Variants in ME2 observed in about 807,000 individuals in gnomAD.
ME2 encodes malic enzyme 2, also known as NAD-dependent malic enzyme, mitochondrial.
ME2 carries 60 observed loss-of-function variants against 73.7 expected under a neutral mutation model. The ratio of observed to expected loss-of-function variants is 0.81; its 90% confidence interval spans 0.66 to 1.01. The LOEUF (loss-of-function observed/expected upper bound fraction) is 1.01, where lower values mean the gene tolerates loss of function less well. ME2 is among the 50% of genes least tolerant of loss of function. The pLI is 0.00. For missense variants in ME2, 594 were observed against 705.5 expected (o/e 0.84, Z 1.79); for synonymous variants, 199 against 236.9 (o/e 0.84, Z 1.47).
In ME2 at chr18:50,920,440, G is replaced by A. The variant is rs1268721275; in HGVS notation, c.735-16G>A. ...GTTATTTTCAACACAACTATTGTGG[G>A]TTTTGCTGTTTTTAGATATGGCCGG... On this transcript the variant is annotated splice_polypyrimidine_tract_variant and intron_variant, in intron 7 of 15. Coordinates refer to ENST00000321341, the MANE Select transcript of ME2 (RefSeq NM_002396.5). 1.3e-6 allele frequency: 2 copies of A among 1,532,996 alleles called. No homozygotes were observed. The highest frequency in any genetic ancestry group is 1.8e-6 in the Non-Finnish European group (2 of 1,121,570). 95.0% of individuals were successfully genotyped at this position (1,532,996 alleles called of 1,614,324 possible).
At position 50,925,811 on chromosome 18, in the gene ME2, T is replaced by C; in HGVS notation, c.1227T>C (p.Ser409=). Residue 409 remains serine, a synonymous_variant, in exon 12 of 16, where the codon TCT becomes TCC. Transcript: ENST00000321341. The stretch of plus-strand genomic sequence containing the variant: ...CTGATGTAATCAGAGCCATGGCCTC[T>C]ATCAATGAAAGGCCTGTAATATTTG... ...FTPDVIRAMA[S]INERPVIFAL... 1.2e-6 allele frequency: 2 copies of C among 1,613,540 alleles called. No individual in the cohort carries two copies. The highest frequency in any genetic ancestry group is 1.7e-6 in the Non-Finnish European group (2 of 1,179,450).
At chr18:50,893,468 T>TC (rs1321721855) in intron 1 of ME2, among the ~76,000 whole-genome samples, 1 of 152,168 alleles carries the variant, frequency 6.6e-6, no homozygotes, top group Non-Finnish European at 1.5e-5. Flanking sequence ...GTGTTACCTT[T>TC]CCCCTGAAAA....
chr18:50,886,414 T>C (rs915150677), intron 1 of ME2, among the ~76,000 whole-genome samples: 5 of 151,880 alleles, frequency 3.3e-5, no homozygotes, highest in Non-Finnish European at 7.4e-5. Context: ...CAGCTAATTT[T>C]TGTATTTTTA....
intron 15 of ME2, among the ~76,000 whole-genome samples, chr18:50,940,713 G>A (rs980841385): frequency 1.3e-5 from 2 of 152,138 alleles, no homozygotes; most frequent in African/African-American, 4.8e-5. Flanking sequence ...CGATCCTCCT[G>A]CCTTGGACTC....
chr18:50,940,144 C>T, intron 14 of ME2, 144 bp from the exon 15 acceptor site: 1 of 643,064 alleles, frequency 1.6e-6, no homozygotes, highest in Admixed American at 3.1e-5. Context: ...TTAATTTCTG[C>T]AGTGGTTTAA....
chr18:50,920,555 T>C lies in ME2; in HGVS notation c.834T>C (p.Asp278=), dbSNP rs1360229493. ...KYREKYCTFN[D]DIQGTAAVAL... ...GAGAAAAATATTGTACTTTCAATGA[T>C]GATATTCAAGGTAAAGCAAAAAAAC... The change falls in exon 8 of 16, where the codon GAT becomes GAC. Residue 278 remains aspartate (D), a synonymous_variant. Transcript: ENST00000321341. 1.9e-6 allele frequency: 3 copies of C among 1,588,380 alleles called. No individual in the cohort carries two copies. Among genetic ancestry groups the C allele is most frequent in the Non-Finnish European group, 2.6e-6 (3 of 1,172,104 alleles).
rs955135102 is a variant in ME2, at chr18:50,949,850, T to G, written c.*2666T>G. On this transcript the variant is annotated 3_prime_UTR_variant, in exon 16 of 16. Transcript: ENST00000321341. Reference sequence around the variant, plus strand: ...CAATCTTTCAACAAGTATCAATTATTGGATGTAAATTAAAGTAAAATTGCT... The same window carrying G: ...CAATCTTTCAACAAGTATCAATTATGGGATGTAAATTAAAGTAAAATTGCT... 4.6e-5 allele frequency: 7 copies of G among 152,152 alleles called. No homozygotes were observed. The highest frequency in any genetic ancestry group is 3.3e-4 in the Admixed American group (5 of 15,280). The allele number at this position is 152,152 out of a possible 1,614,324, so 9.4% of individuals were successfully genotyped here. A position where few individuals can be genotyped will look rare whatever the true frequency, so the allele number is the denominator to read the frequency against.
In ME2 at chr18:50,952,658, G is replaced by A. The variant is rs1344470607; in HGVS notation, c.*5474G>A. On this transcript the variant is annotated 3_prime_UTR_variant, in exon 16 of 16. Coordinates refer to ENST00000321341, the MANE Select transcript of ME2 (RefSeq NM_002396.5). ...TTAATGTTAAGACTAGGGGAAACTTGTGGGTATATATTCAGTGGTTTTCAG... is the reference window on the plus strand; with the variant it reads ...TTAATGTTAAGACTAGGGGAAACTTATGGGTATATATTCAGTGGTTTTCAG... 6.6e-6 allele frequency: 1 copy of A among 152,156 alleles called. No individual in the cohort carries two copies. The highest frequency in any genetic ancestry group is 1.5e-5 in the Non-Finnish European group (1 of 68,022). 9.4% of individuals were successfully genotyped at this position (152,156 alleles called of 1,614,324 possible). A position where few individuals can be genotyped will look rare whatever the true frequency, so the allele number is the denominator to read the frequency against.
chr18:50,881,804 A>G (rs1916330929), intron 1 of ME2, among the ~76,000 whole-genome samples: 1 of 152,338 alleles, frequency 6.6e-6, no homozygotes, highest in Non-Finnish European at 1.5e-5. Flanking sequence ...TGCTTATGAT[A>G]ACTAGCCTTT....
chr18:50,940,566 CTT>C (rs1160812098), intron 15 of ME2, among the ~76,000 whole-genome samples, 180 bp downstream of exon 15: 1 of 152,146 alleles, frequency 6.6e-6, no homozygotes, highest in Admixed American at 6.5e-5. Flanking sequence ...GCCTTCTAGT[CTT>C]TTTTCTTTGC....
Position 50,952,910 on chromosome 18 carries a change from G to A in ME2, c.*5726G>A, listed in dbSNP as rs1918252233. ...TCCTCTGTTTACCCTCTGTTTCTGTGCCTGATTTACAGACAGAGACAGAGG... is the reference window on the plus strand; with the variant it reads ...TCCTCTGTTTACCCTCTGTTTCTGTACCTGATTTACAGACAGAGACAGAGG... On this transcript the variant is annotated 3_prime_UTR_variant, in exon 16 of 16. Coordinates refer to ENST00000321341, the MANE Select transcript of ME2 (RefSeq NM_002396.5). The A allele has an allele frequency of 6.6e-6, 1 of 151,972 alleles. No individual in the cohort carries two copies. Among genetic ancestry groups the A allele is most frequent in the Non-Finnish European group, 1.5e-5 (1 of 67,988 alleles). 9.4% of individuals were successfully genotyped at this position (151,972 alleles called of 1,614,324 possible). A position where few individuals can be genotyped will look rare whatever the true frequency, so the allele number is the denominator to read the frequency against.
At chr18:50,893,234 A>C (rs987183139) in intron 1 of ME2, among the ~76,000 whole-genome samples, 1 of 152,032 alleles carries the variant, frequency 6.6e-6, no homozygotes, top group East Asian at 1.9e-4. Context: ...GTGTATATGC[A>C]AAATTGTAAT....
chr18:50,953,740 C>T lies in ME2; in HGVS notation c.*6556C>T, dbSNP rs1025043543. 2 of 152,064 alleles carry T rather than the reference C, an allele frequency of 1.3e-5. No homozygotes were observed. Among genetic ancestry groups the T allele is most frequent in the African/African-American group, 4.8e-5 (2 of 41,398 alleles). The allele number at this position is 152,064 out of a possible 1,614,324, so 9.4% of individuals were successfully genotyped here. A position where few individuals can be genotyped will look rare whatever the true frequency, so the allele number is the denominator to read the frequency against. On this transcript the variant is annotated 3_prime_UTR_variant, in exon 16 of 16. Transcript: ENST00000321341. ...TTAAGTGATATCTATGTATTGTATACACATATTCCATTGAAAGGTGAGAAT... is the reference window on the plus strand; with the variant it reads ...TTAAGTGATATCTATGTATTGTATATACATATTCCATTGAAAGGTGAGAAT...
chr18:50,892,605 T>C (rs1034242904), intron 1 of ME2, among the ~76,000 whole-genome samples: 1 of 152,194 alleles, frequency 6.6e-6, no homozygotes, highest in African/African-American at 2.4e-5. Flanking sequence ...GAATCTTTTA[T>C]CCTATTACAT....
intron 13 of ME2, chr18:50,939,074 AAG>A (rs1424237778): frequency 8.0e-5 from 12 of 150,140 alleles, no homozygotes; most frequent in African/African-American, 3.0e-4. Context: ...TCCTACAGGA[AAG>A]AGTCAGTGAT....
At chr18:50,936,597 G>C (rs2144262923) in intron 13 of ME2, among the ~76,000 whole-genome samples, 1 of 152,204 alleles carries the variant, frequency 6.6e-6, no homozygotes, top group African/African-American at 2.4e-5. Context: ...CTGTTATGTG[G>C]GACTTACATT....
chr18:50,919,338 C>T (rs1433812782), intron 7 of ME2, among the ~76,000 whole-genome samples: 1 of 152,126 alleles, frequency 6.6e-6, no homozygotes, highest in Non-Finnish European at 1.5e-5. Flanking sequence ...TAACCCTGGC[C>T]TACCTTTAAA....
intron 1 of ME2, among the ~76,000 whole-genome samples, chr18:50,890,662 C>G (rs1015230469): frequency 6.6e-6 from 1 of 152,156 alleles, no homozygotes; most frequent in Non-Finnish European, 1.5e-5. Flanking sequence ...AAAAACACAT[C>G]TTTTGTCTTT....
chr18:50,920,344 AT>A, intron 7 of ME2, 111 bp from the exon 8 acceptor site: 1 of 723,806 alleles, frequency 1.4e-6, no homozygotes, highest in South Asian at 1.9e-5. Context: ...GATGGCCTTA[AT>A]TGAACTAACA....
Sources: allele counts gnomAD v4.1 joint callset (sites outside exome capture counted in the v4.1 genomes callset), GRCh38; gene constraint gnomAD v4.1.1; transcripts MANE v1.5; gene names NCBI Gene and HGNC (gene_info 2026-07-23, HGNC 2026-07-21).